BBS9: variants seen among roughly 807,000 people sequenced by gnomAD.
BBS9 encodes the protein protein PTHB1.
Under a neutral mutation model 117.7 loss-of-function variants are expected in BBS9, and 89 were observed. That is an observed-to-expected ratio of 0.76 (90% CI 0.64 to 0.90). The LOEUF (loss-of-function observed/expected upper bound fraction) is 0.90. Among genes scored for constraint, BBS9 ranks in the 40% least tolerant of loss-of-function variants. The pLI is 0.00. For missense variants in BBS9, 982 were observed against 1,042.2 expected (o/e 0.94, Z 0.80); for synonymous variants, 379 against 370.9 (o/e 1.02, Z -0.25).
intron 17 of BBS9, among the ~76,000 whole-genome samples, chr7:33,373,266 G>A (rs1453077690): frequency 6.6e-6 from 1 of 152,098 alleles, no homozygotes; most frequent in Non-Finnish European, 1.5e-5. Flanking sequence ...GAATCAAGAT[G>A]GCATTTAGCT....
At chr7:33,292,721 A>C (rs914925830) in intron 9 of BBS9, among the ~76,000 whole-genome samples, 1 of 152,052 alleles carries the variant, frequency 6.6e-6, no homozygotes, top group Non-Finnish European at 1.5e-5. Flanking sequence ...TTATAGAAAA[A>C]AGTTGGCCGG....
chr7:33,153,333 T>C (rs1187544072), intron 3 of BBS9, among the ~76,000 whole-genome samples: 1 of 152,224 alleles, frequency 6.6e-6, no homozygotes, highest in African/African-American at 2.4e-5. Flanking sequence ...GAGCTTTGTT[T>C]CAAAGTACTT....
intron 21 of BBS9, among the ~76,000 whole-genome samples, chr7:33,589,559 T>C (rs867634505): frequency 3.3e-5 from 5 of 152,074 alleles, no homozygotes; most frequent in Non-Finnish European, 7.4e-5. Flanking sequence ...ACAATAGAAT[T>C]TCCTAACAAA....
intron 19 of BBS9, among the ~76,000 whole-genome samples, chr7:33,469,571 T>G (rs1206166167): frequency 2.6e-5 from 4 of 152,114 alleles, no homozygotes; most frequent in Non-Finnish European, 5.9e-5. Flanking sequence ...AGATGCAGAA[T>G]GAAATGGTTG....
chr7:33,181,205 G>A (rs960912592), intron 5 of BBS9, among the ~76,000 whole-genome samples: 5 of 152,182 alleles, frequency 3.3e-5, no homozygotes, highest in African/African-American at 1.2e-4. Flanking sequence ...AGTGGACGAA[G>A]TGCAAGAAGG....
chr7:33,591,097 C>T (rs1158363386), intron 21 of BBS9, among the ~76,000 whole-genome samples: 2 of 151,976 alleles, frequency 1.3e-5, no homozygotes, highest in African/African-American at 4.8e-5. Flanking sequence ...CATTAGTGGG[C>T]TGTGCTCAGC....
In BBS9 at chr7:33,174,844, A is replaced by G. The variant is rs897421989; in HGVS notation, c.329-2634A>G. Among the ~76,000 whole-genome samples, 7 of 152,152 alleles carry G rather than the reference A, an allele frequency of 4.6e-5. No individual in the cohort carries two copies. In the South Asian group the frequency reaches 1.2e-3, roughly 27 times the overall value. On this transcript the variant is annotated intron_variant, in intron 4 of 22. Coordinates refer to ENST00000242067, the MANE Select transcript of BBS9 (RefSeq NM_198428.3). ...AGAACTCTCTTCAGGTTAATACCGTATGTGTTTCCCTCACCCATGTGGCTG... is the reference window on the plus strand; with the variant it reads ...AGAACTCTCTTCAGGTTAATACCGTGTGTGTTTCCCTCACCCATGTGGCTG...
chr7:33,275,281 T>C (rs1186822003), intron 9 of BBS9, among the ~76,000 whole-genome samples: 1 of 152,228 alleles, frequency 6.6e-6, no homozygotes, highest in African/African-American at 2.4e-5. Context: ...ACACAAGTTA[T>C]AGTTATTTTG....
chr7:33,375,622 C>A, intron 17 of BBS9, among the ~76,000 whole-genome samples: 1 of 138,444 alleles, frequency 7.2e-6, no homozygotes, highest in East Asian at 2.1e-4. Flanking sequence ...GAGACAGAGT[C>A]TTACTCTGTC....
chr7:33,349,175 GTTTT>G lies in BBS9; in HGVS notation c.1432+8_1432+11del. The G allele has an allele frequency of 6.3e-7, 1 of 1,599,782 alleles. No individual in the cohort carries two copies. The highest frequency in any genetic ancestry group is 8.6e-7 in the Non-Finnish European group (1 of 1,167,366). Reference sequence around the variant, plus strand: ...AGTTCACCTTTGAATTTATGAGTAAGTTTTTTGTTTTGGCTGAAAGTCTACCATG... The same window carrying G: ...AGTTCACCTTTGAATTTATGAGTAAGTTGTTTTGGCTGAAAGTCTACCATG... On this transcript the variant is annotated splice_donor_region_variant and intron_variant, in intron 13 of 22. Transcript: ENST00000242067.
At chr7:33,628,204 G>A (rs1865731503) in intron 21 of BBS9, among the ~76,000 whole-genome samples, 1 of 151,982 alleles carries the variant, frequency 6.6e-6, no homozygotes, top group Non-Finnish European at 1.5e-5. Context: ...GACAAAAACA[G>A]TATTTAGGAA....
At chr7:33,593,034 A>C (rs1010531402) in intron 21 of BBS9, among the ~76,000 whole-genome samples, 14 of 152,150 alleles carry the variant, frequency 9.2e-5, no homozygotes, top group African/African-American at 3.4e-4. Context: ...GGGAGTTAGA[A>C]AAGGAAAGTA....
intron 19 of BBS9, among the ~76,000 whole-genome samples, chr7:33,504,526 T>A (rs1008695231): frequency 1.3e-5 from 2 of 152,174 alleles, no homozygotes; most frequent in Non-Finnish European, 2.9e-5. Flanking sequence ...CTGAAACTCA[T>A]CTGAACTCCA....
chr7:33,432,171 C>G (rs1235660809), intron 19 of BBS9, among the ~76,000 whole-genome samples: 1 of 150,372 alleles, frequency 6.7e-6, no homozygotes, highest in Admixed American at 6.6e-5. Flanking sequence ...TGCAATGGTG[C>G]GATCTCGTCT....
At chr7:33,182,246 A>T (rs1285782195) in intron 5 of BBS9, among the ~76,000 whole-genome samples, 2 of 152,204 alleles carry the variant, frequency 1.3e-5, no homozygotes, top group Non-Finnish European at 2.9e-5. Context: ...TTTCTCTAGT[A>T]GTCTCAATTA....
chr7:33,597,930 G>A (rs745661448), intron 21 of BBS9, among the ~76,000 whole-genome samples: 8 of 151,290 alleles, frequency 5.3e-5, no homozygotes, highest in Non-Finnish European at 1.2e-4. Flanking sequence ...TAAAATGCAC[G>A]GTGTGCTGAG....
At position 33,470,217 on chromosome 7, in the gene BBS9, A is replaced by AT. The variant is rs553900514; in HGVS notation, c.2116-35240dup. Among the ~76,000 whole-genome samples, 17 of 151,794 alleles carry AT rather than the reference A, an allele frequency of 1.1e-4. No individual in the cohort carries two copies. The East Asian group carries it at 3.3e-3, about 29-fold the overall frequency. On this transcript the variant is annotated intron_variant, in intron 19 of 22. Coordinates refer to ENST00000242067, the MANE Select transcript of BBS9 (RefSeq NM_198428.3). ...CATAACAATATAGAATTACAAGAAT[A>AT]TTTTTTCCAGATTTTTACATTTATT...
At chr7:33,526,661 C>A (rs1207961091) in intron 20 of BBS9, among the ~76,000 whole-genome samples, 1 of 145,138 alleles carries the variant, frequency 6.9e-6, no homozygotes, top group East Asian at 2.0e-4. Context: ...TAATTTTTTT[C>A]AAAGTTTTCA....
At chr7:33,130,595 T>C (rs1789439871) in intron 1 of BBS9, among the ~76,000 whole-genome samples, 1 of 152,214 alleles carries the variant, frequency 6.6e-6, no homozygotes, top group African/African-American at 2.4e-5. Context: ...CATGTCCTCA[T>C]TGATAAACAA....
Sources: allele counts gnomAD v4.1 joint callset (sites outside exome capture counted in the v4.1 genomes callset), GRCh38; gene constraint gnomAD v4.1.1; transcripts MANE v1.5; gene names NCBI Gene and HGNC (gene_info 2026-07-23, HGNC 2026-07-21).